Variants in FBXO42 observed in about 807,000 individuals in gnomAD.
The protein encoded by FBXO42 is F-box only protein 42.
A neutral mutation model predicts 71.7 loss-of-function variants in FBXO42; 12 were observed. The observed-to-expected ratio is 0.17, with a 90% CI of 0.11 to 0.27. The LOEUF (loss-of-function observed/expected upper bound fraction) is 0.27, where lower values mean the gene tolerates loss of function less well. Among genes scored for constraint, FBXO42 ranks in the 10% least tolerant of loss-of-function variants. The pLI is 1.00. For missense variants in FBXO42, 707 were observed against 911.9 expected, an observed-to-expected ratio of 0.78 and a Z score of 2.89; for synonymous variants, 325 against 327.5, an observed-to-expected ratio of 0.99 and a Z score of 0.08.
At chr1:16,320,661 ATTT>A (rs534488238) in intron 1 of FBXO42, among the ~76,000 whole-genome samples, 14 of 144,638 alleles carry the variant, frequency 9.7e-5, no homozygotes, top group Admixed American at 3.5e-4. Flanking sequence ...TGCCCAGCTA[ATTT>A]TTTTTTTTTT....
chr1:16,324,576 G>C (rs2082435324), intron 1 of FBXO42, among the ~76,000 whole-genome samples: 1 of 152,162 alleles, frequency 6.6e-6, no homozygotes, highest in Non-Finnish European at 1.5e-5. Context: ...CAAGCACTTT[G>C]GGAAGCCAAA....
At chr1:16,267,726 G>A (rs368646156) in intron 4 of FBXO42, among the ~76,000 whole-genome samples, 15 of 152,244 alleles carry the variant, frequency 9.9e-5, no homozygotes, top group South Asian at 6.2e-4. Context: ...ACTGGTATTA[G>A]ACAAAACTTG....
chr1:16,309,290 G>T (rs1270029697), intron 2 of FBXO42, among the ~76,000 whole-genome samples: 2 of 149,888 alleles, frequency 1.3e-5, no homozygotes, highest in Non-Finnish European at 3.0e-5. Flanking sequence ...CGTTGGCCAG[G>T]ATGGTCTCAA....
At chr1:16,264,512 G>A (rs1002705458) in intron 4 of FBXO42, among the ~76,000 whole-genome samples, 3 of 152,208 alleles carry the variant, frequency 2.0e-5, no homozygotes, top group Admixed American at 6.5e-5. Flanking sequence ...AGTGAAGAAA[G>A]GAAGGGTGTC....
chr1:16,308,712 T>TGTTCTCAG (rs2082280472), intron 2 of FBXO42, among the ~76,000 whole-genome samples: 1 of 150,924 alleles, frequency 6.6e-6, no homozygotes, highest in African/African-American at 2.4e-5. Flanking sequence ...AGGTTGACCA[T>TGTTCTCAG]GTTCTCAGGC....
chr1:16,286,149 G>A (rs190739363), intron 4 of FBXO42, among the ~76,000 whole-genome samples: 5 of 152,034 alleles, frequency 3.3e-5, no homozygotes, highest in East Asian at 3.9e-4. Flanking sequence ...TTTTACAGGC[G>A]TGAGCCACCA....
At chr1:16,268,098 A>G (rs2081798397) in intron 4 of FBXO42, among the ~76,000 whole-genome samples, 1 of 151,762 alleles carries the variant, frequency 6.6e-6, no homozygotes, top group African/African-American at 2.4e-5. Flanking sequence ...TTAATCTGAT[A>G]ATTTGTTAAT....
At chr1:16,269,060 C>T (rs1182447393) in intron 4 of FBXO42, among the ~76,000 whole-genome samples, 3 of 150,954 alleles carry the variant, frequency 2.0e-5, no homozygotes, top group Non-Finnish European at 3.0e-5. Context: ...CCACCCACCT[C>T]GGCCTTCCAA....
At chr1:16,279,427 A>AC (rs1309504933) in intron 4 of FBXO42, among the ~76,000 whole-genome samples, 1 of 152,162 alleles carries the variant, frequency 6.6e-6, no homozygotes, top group Non-Finnish European at 1.5e-5. Context: ...ACAGAGTGAG[A>AC]CCCCATCTCT....
intron 2 of FBXO42, among the ~76,000 whole-genome samples, chr1:16,314,080 A>C (rs1293550452): frequency 1.3e-5 from 2 of 152,004 alleles, no homozygotes; most frequent in African/African-American, 4.8e-5. Context: ...CAGCCTCCCG[A>C]GTAGCTGGGA....
chr1:16,286,084 C>T (rs1246238321), intron 4 of FBXO42, among the ~76,000 whole-genome samples: 3 of 151,962 alleles, frequency 2.0e-5, no homozygotes, highest in South Asian at 4.2e-4. Context: ...GATGGCCAGG[C>T]TGGTCTCAAA....
intron 4 of FBXO42, among the ~76,000 whole-genome samples, chr1:16,270,787 C>G (rs1557577110): frequency 6.8e-6 from 1 of 148,142 alleles, no homozygotes; most frequent in African/African-American, 2.6e-5. Flanking sequence ...CACACACACA[C>G]ACACATATAA....
At chr1:16,318,429 TAA>T (rs1366693611) in intron 1 of FBXO42, among the ~76,000 whole-genome samples, 7 of 132,656 alleles carry the variant, frequency 5.3e-5, no homozygotes, top group Non-Finnish European at 1.2e-4. Flanking sequence ...AATAAATAAA[TAA>T]AGTTGCCAAA....
At chr1:16,313,741 T>C (rs965732610) in intron 2 of FBXO42, among the ~76,000 whole-genome samples, 8 of 152,208 alleles carry the variant, frequency 5.3e-5, no homozygotes, top group African/African-American at 9.7e-5. Context: ...GATTGTTCTC[T>C]GTTATATCTC....
At chr1:16,281,472 GTT>G (rs376419524) in intron 4 of FBXO42, among the ~76,000 whole-genome samples, 4 of 136,234 alleles carry the variant, frequency 2.9e-5, no homozygotes, top group Non-Finnish European at 3.1e-5. Flanking sequence ...TTCTTTTTTT[GTT>G]TTTTTTTTTT....
chr1:16,343,966 AC>A (rs1470905298), intron 1 of FBXO42, among the ~76,000 whole-genome samples: 23 of 150,448 alleles, frequency 1.5e-4, no homozygotes, highest in Middle Eastern at 3.2e-3. Flanking sequence ...AAAAAAAAAA[AC>A]AACAACAAAA....
In FBXO42 at chr1:16,252,327, C is replaced by T. The variant is rs1362206581; in HGVS notation, c.999G>A (p.Glu333=). Residue 333 remains glutamate (E), a synonymous_variant, in exon 9 of 10, where the codon GAG becomes GAA. Coordinates refer to ENST00000375592, the MANE Select transcript of FBXO42 (RefSeq NM_018994.3). The surrounding 1 kb of genome is among the most constrained non-coding windows in gnomAD (Gnocchi z 4.4). The stretch of plus-strand genomic sequence containing the variant: ...GGCACCACAGTTCTGGGGCCCCATG[C>T]TCTTCATTTTCTACCTTGAGTGGCT... The part of the protein sequence containing the change: ...AWQPLKVENE[E]HGAPELWCHP... 1 of 1,614,222 alleles carries T rather than the reference C, an allele frequency of 6.2e-7. No homozygotes were observed. The highest frequency in any genetic ancestry group is 1.7e-5 in the Admixed American group (1 of 60,022).
At chr1:16,308,692 A>C (rs142197327) in intron 2 of FBXO42, among the ~76,000 whole-genome samples, 1 of 149,272 alleles carries the variant, frequency 6.7e-6, no homozygotes, top group African/African-American at 2.5e-5. Context: ...TGTTTGTTTC[A>C]TAGAGATGGA....
intron 4 of FBXO42, among the ~76,000 whole-genome samples, chr1:16,262,472 C>A (rs2081725004): frequency 6.6e-6 from 1 of 152,048 alleles, no homozygotes; most frequent in African/African-American, 2.4e-5. Context: ...TTTGGGAGGT[C>A]AAGGCGGGTG....
Sources: allele counts gnomAD v4.1 joint callset (sites outside exome capture counted in the v4.1 genomes callset), GRCh38; gene constraint gnomAD v4.1.1; non-coding constraint Gnocchi (gnomAD v3.1); transcripts MANE v1.5; gene names NCBI Gene and HGNC (gene_info 2026-07-23, HGNC 2026-07-21).